ALK: variants seen among roughly 807,000 people sequenced by gnomAD.
ALK encodes ALK tyrosine kinase receptor.
ALK carries 74 observed loss-of-function variants against 163.1 expected under a neutral mutation model. That is an observed-to-expected ratio of 0.45 (90% CI 0.38 to 0.55). The LOEUF is 0.55. Ranked by LOEUF, ALK falls within the 20% of genes least tolerant of loss-of-function variation. The pLI is 0.00. For synonymous variants in ALK, 960 were observed against 843.2 expected, an observed-to-expected ratio of 1.14 and a Z score of -2.40; for missense variants, 2,063 against 2,105.3, an observed-to-expected ratio of 0.98 and a Z score of 0.39.
intron 2 of ALK, among the ~76,000 whole-genome samples, chr2:29,710,034 T>C (rs940836355): frequency 2.0e-5 from 3 of 152,206 alleles, no homozygotes; most frequent in Non-Finnish European, 4.4e-5. Flanking sequence ...GGAGGGACCC[T>C]GTGCAAGGTA....
At chr2:29,522,267 A>C (rs1232359315) in intron 4 of ALK, among the ~76,000 whole-genome samples, 1 of 152,162 alleles carries the variant, frequency 6.6e-6, no homozygotes, top group Non-Finnish European at 1.5e-5. Flanking sequence ...CCCACTGTAA[A>C]AGTAGTAGTG....
intron 1 of ALK, among the ~76,000 whole-genome samples, chr2:29,914,668 G>T (rs185471190): frequency 6.6e-6 from 1 of 152,288 alleles, no homozygotes; most frequent in East Asian, 1.9e-4. Context: ...TTTTTCTAAT[G>T]ATAAAGCTGG....
At chr2:29,478,704 G>T (rs1316524381) in intron 4 of ALK, among the ~76,000 whole-genome samples, 1 of 152,256 alleles carries the variant, frequency 6.6e-6, no homozygotes, top group Admixed American at 6.5e-5. Flanking sequence ...CATATTCAAA[G>T]AAAGCGGTCA....
chr2:29,258,329 A>T (rs7588612), intron 11 of ALK, among the ~76,000 whole-genome samples: 116,461 of 152,162 alleles, frequency 0.77, 44,933 homozygotes, highest in Non-Finnish European at 0.81. Flanking sequence ...GCTCTCTTTT[A>T]TCATGTTAGC....
chr2:29,342,510 AT>A (rs1667822310), intron 5 of ALK, among the ~76,000 whole-genome samples: 1 of 152,220 alleles, frequency 6.6e-6, no homozygotes, highest in Non-Finnish European at 1.5e-5. Context: ...AGTTCTGAAA[AT>A]TGGTTGCACA....
chr2:29,643,044 A>C (rs191775574), intron 3 of ALK, among the ~76,000 whole-genome samples: 163 of 152,324 alleles, frequency 1.1e-3, no homozygotes, highest in African/African-American at 3.7e-3. Context: ...ATAGAAAGTA[A>C]GAAGTGAAGA....
intron 3 of ALK, among the ~76,000 whole-genome samples, chr2:29,565,639 T>C (rs376816169): frequency 6.6e-6 from 1 of 152,080 alleles, no homozygotes; most frequent in African/African-American, 2.4e-5. Flanking sequence ...GCTCTCCTAA[T>C]CACCAGCCAC....
chr2:29,398,316 C>T (rs1558307107), intron 4 of ALK, among the ~76,000 whole-genome samples: 1 of 152,130 alleles, frequency 6.6e-6, no homozygotes, highest in Non-Finnish European at 1.5e-5. Context: ...AAAGGACAGG[C>T]TGCTCCCAGT....
At chr2:29,641,522 A>G (rs1479336502) in intron 3 of ALK, among the ~76,000 whole-genome samples, 1 of 152,154 alleles carries the variant, frequency 6.6e-6, no homozygotes, top group Non-Finnish European at 1.5e-5. Context: ...AAAGTCATTC[A>G]TGCTTTTATT....
At chr2:29,801,046 C>T (rs1664455912) in intron 1 of ALK, among the ~76,000 whole-genome samples, 1 of 152,138 alleles carries the variant, frequency 6.6e-6, no homozygotes. Flanking sequence ...GGTCCTGAAG[C>T]AGCTCCCCCA....
intron 1 of ALK, among the ~76,000 whole-genome samples, chr2:29,862,765 AG>A (rs1666327138): frequency 6.6e-6 from 1 of 152,114 alleles, no homozygotes; most frequent in South Asian, 2.1e-4. Context: ...ACATAGAGAA[AG>A]CAATCCTAAA....
At chr2:29,674,786 C>G (rs1677822530) in intron 3 of ALK, among the ~76,000 whole-genome samples, 1 of 146,824 alleles carries the variant, frequency 6.8e-6, no homozygotes, top group Admixed American at 6.8e-5. Flanking sequence ...TAGAATTCGG[C>G]TGTGAATCCA....
chr2:29,355,177 AGAGAT>A (rs1474185561), intron 5 of ALK, among the ~76,000 whole-genome samples: 1 of 152,226 alleles, frequency 6.6e-6, no homozygotes, highest in Non-Finnish European at 1.5e-5. Flanking sequence ...ACAGTTGAGT[AGAGAT>A]TAACCTCTTC....
chr2:29,704,997 C>T (rs1019471955), intron 2 of ALK, among the ~76,000 whole-genome samples: 3 of 151,658 alleles, frequency 2.0e-5, no homozygotes, highest in Admixed American at 1.3e-4. Context: ...GCGGATGGAT[C>T]ACTTGAGGTC....
intron 3 of ALK, among the ~76,000 whole-genome samples, chr2:29,610,316 T>C (rs1675656673): frequency 6.6e-6 from 1 of 152,132 alleles, no homozygotes; most frequent in African/African-American, 2.4e-5. Flanking sequence ...CGGCTGCTTG[T>C]CCTTTGCTCT....
At chr2:29,211,137 T>C (rs549094601) in intron 24 of ALK, among the ~76,000 whole-genome samples, 33 of 152,182 alleles carry the variant, frequency 2.2e-4, no homozygotes, top group Non-Finnish European at 4.6e-4. Flanking sequence ...AGGATCTTGA[T>C]TGGGGATCAT....
chr2:29,432,720 C>G (rs979958677), intron 4 of ALK, among the ~76,000 whole-genome samples: 14 of 151,390 alleles, frequency 9.2e-5, no homozygotes, highest in African/African-American at 3.4e-4. Flanking sequence ...CAATGGTAAA[C>G]TAGATGTAGC....
intron 26 of ALK, among the ~76,000 whole-genome samples, chr2:29,201,145 C>T (rs1290074819): frequency 6.6e-6 from 1 of 151,630 alleles, no homozygotes; most frequent in Non-Finnish European, 1.5e-5. Context: ...AGGTTATGCT[C>T]TTAGGAAAAA....
intron 3 of ALK, among the ~76,000 whole-genome samples, chr2:29,542,896 T>C (rs1002033369): frequency 2.6e-5 from 4 of 152,218 alleles, no homozygotes; most frequent in African/African-American, 4.8e-5. Context: ...ATTATTTCTC[T>C]GATAATTTAA....
Sources: allele counts gnomAD v4.1 joint callset (sites outside exome capture counted in the v4.1 genomes callset), GRCh38; gene constraint gnomAD v4.1.1; transcripts MANE v1.5; gene names NCBI Gene and HGNC (gene_info 2026-07-23, HGNC 2026-07-21).